Variants in ARAP1 observed in about 807,000 individuals in gnomAD.
ARAP1 encodes the protein arf-GAP with Rho-GAP domain, ANK repeat and PH domain-containing protein 1.
In ARAP1, 76 loss-of-function variants were observed where a neutral mutation model predicts 172.2. That is an observed-to-expected ratio of 0.44 (90% CI 0.37 to 0.53). The LOEUF is 0.53. Among genes scored for constraint, ARAP1 ranks in the 20% least tolerant of loss-of-function variants. The probability of loss-of-function intolerance (pLI) is 0.00; values close to 1 mark genes in which losing one functional copy is unlikely to be tolerated. For synonymous variants in ARAP1, 804 were observed against 803.3 expected (o/e 1.00, Z -0.01); for missense variants, 1,686 against 1,977.5 (o/e 0.85, Z 2.80).
rs900901204 is a variant in ARAP1 at position 72,685,085 on chromosome 11, G to T, written c.*579C>A. 1 of 154,480 alleles carries T rather than the reference G, an allele frequency of 6.5e-6. No individual in the cohort carries two copies. Among genetic ancestry groups the T allele is most frequent in the Admixed American group, 6.3e-5 (1 of 15,752 alleles). 9.6% of individuals were successfully genotyped at this position (154,480 alleles called of 1,614,324 possible). ...TCAGCACCATAGGGTAAAATATACA[G>T]ATATATTTATATTATCAAAAAGTCC... On this transcript the variant is annotated 3_prime_UTR_variant, in exon 35 of 35. Coordinates refer to ENST00000393609, the MANE Select transcript of ARAP1 (RefSeq NM_001040118.3).
At chr11:72,685,827 G>A (rs1343121676) in intron 34 of ARAP1, 146 bp from the exon 35 acceptor site, 15 of 1,353,620 alleles carry the variant, frequency 1.1e-5, no homozygotes, top group Non-Finnish European at 1.5e-5. Flanking sequence ...CCCAGGGCCA[G>A]GCAGAGGGGA....
chr11:72,694,128 A>T (rs1856066424), intron 27 of ARAP1, among the ~76,000 whole-genome samples: 1 of 146,784 alleles, frequency 6.8e-6, no homozygotes, highest in Non-Finnish European at 1.5e-5. Context: ...ACTCAGAAAC[A>T]AACCCCTCCT....
At chr11:72,737,967 C>T (rs1012466801) in intron 1 of ARAP1, among the ~76,000 whole-genome samples, 31 of 152,182 alleles carry the variant, frequency 2.0e-4, no homozygotes, top group Non-Finnish European at 2.9e-5. Flanking sequence ...TGATTCTTCT[C>T]TATGTCAATG....
intron 14 of ARAP1, chr11:72,703,853 CT>C: frequency 2.4e-6 from 1 of 414,704 alleles, no homozygotes. Context: ...CAAGTTCACT[CT>C]TTTTGGCAGG....
At chr11:72,701,063 C>T (rs1186469408) in intron 16 of ARAP1, among the ~76,000 whole-genome samples, 1 of 152,140 alleles carries the variant, frequency 6.6e-6, no homozygotes, top group Admixed American at 6.5e-5. Context: ...GACATCTCTG[C>T]AGGAGTGATA....
chr11:72,744,987 G>A (rs75758973), intron 1 of ARAP1, among the ~76,000 whole-genome samples: 3,791 of 152,260 alleles, frequency 0.025, 75 homozygotes, highest in Non-Finnish European at 0.04. Context: ...CTTTAGCCAA[G>A]GCTCTGGTGC....
chr11:72,713,002 G>A (rs1010928200), intron 5 of ARAP1, 174 bp downstream of exon 5: 14 of 691,206 alleles, frequency 2.0e-5, no homozygotes, highest in African/African-American at 3.6e-5. Context: ...GGCCCAGAGC[G>A]CTGTGGCTAC....
In ARAP1 at chr11:72,712,530, G is replaced by A. The variant is rs778751202; in HGVS notation, c.786C>T (p.Arg262=). ...PPPSRVPRAV[R]VASLLSEGEE... ...CTCCCTCGCTCAGCAGACTGGCCAC[G>A]CGCACGGCCCGTGGGACTCGGCTCG... The change falls in exon 6 of 35, where the codon CGC becomes CGT. Residue 262 remains arginine (R), a synonymous_variant. Coordinates refer to ENST00000393609, the MANE Select transcript of ARAP1 (RefSeq NM_001040118.3). The A allele has an allele frequency of 3.2e-5, 52 of 1,613,378 alleles. No homozygotes were observed. The highest frequency in any genetic ancestry group is 3.3e-4 in the Middle Eastern group (2 of 6,084).
At chr11:72,697,540 C>A in intron 20 of ARAP1, 54 bp from the exon 21 acceptor site, 1 of 1,613,254 alleles carries the variant, frequency 6.2e-7, no homozygotes, top group Non-Finnish European at 8.5e-7. Flanking sequence ...CACCCTGTCC[C>A]CAGGCCCATC....
intron 29 of ARAP1, 72 bp from the exon 30 acceptor site, chr11:72,692,857 GTGGGGT>G: frequency 6.3e-7 from 1 of 1,590,916 alleles, no homozygotes; most frequent in African/African-American, 1.3e-5. Flanking sequence ...GCAGTGATGT[GTGGGGT>G]TGGGGTGTGT....
chr11:72,712,647 T>C (rs757880254), intron 5 of ARAP1, 79 bp from the exon 6 acceptor site: 4 of 1,600,174 alleles, frequency 2.5e-6, no homozygotes, highest in African/African-American at 1.3e-5. Context: ...ACGCCCCCTC[T>C]GTCCACACAG....
rs1001853855 is a variant in ARAP1, at chr11:72,695,207, T to A, written c.3577-110A>T. The stretch of plus-strand genomic sequence containing the variant: ...CCATCCTTCTCAGGCCCTTCTGGAG[T>A]CCTGGGATAGAGAGGGGTATTTCTG... On this transcript the variant is annotated intron_variant, in intron 26 of 34. Coordinates refer to ENST00000393609, the MANE Select transcript of ARAP1 (RefSeq NM_001040118.3). This position sits in a 1 kb window ranked among gnomAD's most constrained non-coding sequence, Gnocchi z 4.4. The A allele has an allele frequency of 1.0e-5, 14 of 1,370,600 alleles. No homozygotes were observed. The African/African-American group carries it at 1.7e-4, about 17-fold the overall frequency. 84.9% of individuals were successfully genotyped at this position (1,370,600 alleles called of 1,614,324 possible).
intron 12 of ARAP1, 140 bp downstream of exon 12, chr11:72,707,035 G>T: frequency 1.1e-6 from 1 of 877,332 alleles, no homozygotes; most frequent in Admixed American, 3.2e-5. Context: ...CTAATCACAG[G>T]TGTGCAGGAG....
At chr11:72,694,304 T>C (rs1301157109) in intron 27 of ARAP1, among the ~76,000 whole-genome samples, 1 of 151,820 alleles carries the variant, frequency 6.6e-6, no homozygotes, top group Non-Finnish European at 1.5e-5. Flanking sequence ...TAAACTGCCA[T>C]TCACTAGCCC....
At chr11:72,691,773 C>T (rs556186424) in intron 30 of ARAP1, among the ~76,000 whole-genome samples, 57 of 152,270 alleles carry the variant, frequency 3.7e-4, no homozygotes, top group Non-Finnish European at 7.4e-4. Context: ...GTCTCTGTTG[C>T]CCATCCTGCA....
chr11:72,742,569 T>C (rs1858233501), intron 1 of ARAP1, among the ~76,000 whole-genome samples: 1 of 152,072 alleles, frequency 6.6e-6, no homozygotes, highest in Non-Finnish European at 1.5e-5. Context: ...GAGTGCAGAC[T>C]GAGAAGGGCC....
chr11:72,747,456 G>T (rs962268185), intron 1 of ARAP1, among the ~76,000 whole-genome samples: 6 of 152,192 alleles, frequency 3.9e-5, no homozygotes, highest in Non-Finnish European at 8.8e-5. Flanking sequence ...CAGGTTCCTG[G>T]TTTGGTCAGG....
intron 5 of ARAP1, chr11:72,712,831 C>T (rs1333005538): frequency 1.6e-6 from 1 of 611,414 alleles, no homozygotes; most frequent in Non-Finnish European, 2.9e-6. Context: ...AGACTGCGGG[C>T]TAGGGATGCA....
At chr11:72,722,680 C>T (rs1857564228) in intron 3 of ARAP1, among the ~76,000 whole-genome samples, 1 of 152,188 alleles carries the variant, frequency 6.6e-6, no homozygotes, top group Non-Finnish European at 1.5e-5. Context: ...CAGTGTGGCT[C>T]CAGCTGGGCA....
Sources: allele counts gnomAD v4.1 joint callset (sites outside exome capture counted in the v4.1 genomes callset), GRCh38; gene constraint gnomAD v4.1.1; non-coding constraint Gnocchi (gnomAD v3.1); transcripts MANE v1.5; gene names NCBI Gene and HGNC (gene_info 2026-07-23, HGNC 2026-07-21).